The following NUDT3 variants were observed in gnomAD, a reference collection of about 807,000 sequenced individuals.
NUDT3 encodes diphosphoinositol polyphosphate phosphohydrolase 1.
In NUDT3, 9 loss-of-function variants were observed where a neutral mutation model predicts 23.6. That is an observed-to-expected ratio of 0.38 (90% confidence interval 0.23 to 0.66). The LOEUF (loss-of-function observed/expected upper bound fraction) is 0.66. Ranked by LOEUF, NUDT3 falls within the 30% of genes least tolerant of loss-of-function variation. The pLI is 0.52. For missense variants in NUDT3, 172 were observed against 218.5 expected, an observed-to-expected ratio of 0.79 and a Z score of 1.34; for synonymous variants, 86 against 82.6, an observed-to-expected ratio of 1.04 and a Z score of -0.22.
At position 34,381,389 on chromosome 6, in the gene NUDT3, G is replaced by C. The variant is rs1765015265; in HGVS notation, c.99+10875C>G. On this transcript the variant is annotated intron_variant, in intron 1 of 4. Transcript: ENST00000607016. ...ACATTTTAAAACTCTTCAGTTTGAA[G>C]TATTCTTTATAGATACCACAATACA... Among the ~76,000 whole-genome samples the C allele has an allele frequency of 2.0e-5, 3 of 151,848 alleles. No individual in the cohort carries two copies. The South Asian group carries it at 6.2e-4, about 31-fold the overall frequency.
intron 2 of NUDT3, among the ~76,000 whole-genome samples, chr6:34,313,700 C>T (rs1410902902): frequency 6.6e-6 from 1 of 152,082 alleles, no homozygotes; most frequent in African/African-American, 2.4e-5. Context: ...CAGTGGCTCA[C>T]GCCTGTAATT....
intron 2 of NUDT3, among the ~76,000 whole-genome samples, chr6:34,324,745 G>C (rs1763997060): frequency 6.6e-6 from 1 of 152,154 alleles, no homozygotes; most frequent in Non-Finnish European, 1.5e-5. Context: ...CAGAATGACA[G>C]AGCCACTAAA....
At chr6:34,375,375 G>T (rs1764905612) in intron 1 of NUDT3, among the ~76,000 whole-genome samples, 1 of 152,018 alleles carries the variant, frequency 6.6e-6, no homozygotes, top group Admixed American at 6.6e-5. Flanking sequence ...AAATAAAAAA[G>T]TTACCAGAGT....
intron 1 of NUDT3, among the ~76,000 whole-genome samples, chr6:34,366,702 G>A (rs1012225993): frequency 2.0e-5 from 3 of 151,098 alleles, no homozygotes; most frequent in Admixed American, 1.3e-4. Context: ...GGACTGCAAC[G>A]TGTGCCACCA....
chr6:34,370,502 C>G (rs1464724418), intron 1 of NUDT3, among the ~76,000 whole-genome samples: 1 of 152,192 alleles, frequency 6.6e-6, no homozygotes, highest in South Asian at 2.1e-4. Context: ...CCTAATTGCA[C>G]AGAAAACTGG....
chr6:34,292,137 A>T (rs1306006402), intron 4 of NUDT3, among the ~76,000 whole-genome samples: 1 of 152,142 alleles, frequency 6.6e-6, no homozygotes, highest in Non-Finnish European at 1.5e-5. Context: ...CCACACATCC[A>T]CCGCAGTCTC....
Position 34,320,188 on chromosome 6 carries a change from G to A in NUDT3, c.210+21674C>T, listed in dbSNP as rs372058720. On this transcript the variant is annotated intron_variant, in intron 2 of 4. Transcript: ENST00000607016. ...GAAATATATCAAAATGTTACTAGTG[G>A]CGAGTATGAAAATTTTAAATTTTGT... Among the ~76,000 whole-genome samples the A allele has an allele frequency of 3.6e-4, 55 of 152,230 alleles. No individual in the cohort carries two copies. The South Asian group carries it at 0.011, about 30-fold the overall frequency.
At chr6:34,293,943 C>A (rs559883750) in intron 3 of NUDT3, among the ~76,000 whole-genome samples, 30 of 152,012 alleles carry the variant, frequency 2.0e-4, no homozygotes, top group African/African-American at 6.5e-4. Flanking sequence ...ACACACACAC[C>A]CACCCACACC....
intron 1 of NUDT3, among the ~76,000 whole-genome samples, chr6:34,351,198 T>TTAAAAAAAAA (rs1764462307): frequency 1.1e-4 from 2 of 17,896 alleles, no homozygotes; most frequent in Non-Finnish European, 2.3e-4. Context: ...CTCCCCTGCC[T>TTAAAAAAAAA]AAAAAAAAAA....
At chr6:34,312,603 G>A (rs1763791224) in intron 2 of NUDT3, among the ~76,000 whole-genome samples, 1 of 152,122 alleles carries the variant, frequency 6.6e-6, no homozygotes, top group Non-Finnish European at 1.5e-5. Context: ...AAATTAGGAG[G>A]TGAAAGCTTA....
At chr6:34,314,770 G>A (rs1763833521) in intron 2 of NUDT3, among the ~76,000 whole-genome samples, 2 of 152,102 alleles carry the variant, frequency 1.3e-5, no homozygotes, top group South Asian at 4.2e-4. Context: ...TGTGTGATTC[G>A]GGGCAAATTA....
At position 34,286,471 on chromosome 6, in the gene NUDT3, G is replaced by A. The variant is rs1763335630; in HGVS notation, c.*2282C>T. 1 of 152,162 alleles carries A rather than the reference G, an allele frequency of 6.6e-6. No individual in the cohort carries two copies. Among genetic ancestry groups the A allele is most frequent in the South Asian group, 2.1e-4 (1 of 4,836 alleles). The allele number at this position is 152,162 out of a possible 1,614,324, so 9.4% of individuals were successfully genotyped here. A position where few individuals can be genotyped will look rare whatever the true frequency, so the allele number is the denominator to read the frequency against. ...AGGTAGAATTTATCTGGAAGAATGT[G>A]TTTTTTGAATTCCACCTGGCACTTG... On this transcript the variant is annotated 3_prime_UTR_variant, in exon 5 of 5. Coordinates refer to ENST00000607016, the MANE Select transcript of NUDT3 (RefSeq NM_006703.4).
chr6:34,375,249 C>T (rs1764902807), intron 1 of NUDT3, among the ~76,000 whole-genome samples: 1 of 152,046 alleles, frequency 6.6e-6, no homozygotes, highest in South Asian at 2.1e-4. Flanking sequence ...GAGGCTGAGG[C>T]AGGGGAATTG....
At position 34,283,939 on chromosome 6, in the gene NUDT3, G is replaced by A. The variant is rs970526786; in HGVS notation, c.*4814C>T. On this transcript the variant is annotated 3_prime_UTR_variant, in exon 5 of 5. Coordinates refer to ENST00000607016, the MANE Select transcript of NUDT3 (RefSeq NM_006703.4). Reference sequence around the variant, plus strand: ...GTGAAGTCTCCGCTGCAAAACTCACGAAACAGCACAGAGGATGACTCTAGG... The same window carrying A: ...GTGAAGTCTCCGCTGCAAAACTCACAAAACAGCACAGAGGATGACTCTAGG... 2.6e-5 allele frequency: 4 copies of A among 152,188 alleles called. No individual in the cohort carries two copies. Among genetic ancestry groups the A allele is most frequent in the African/African-American group, 7.2e-5 (3 of 41,442 alleles). 9.4% of individuals were successfully genotyped at this position (152,188 alleles called of 1,614,324 possible).
At chr6:34,350,843 C>T (rs1371296265) in intron 1 of NUDT3, among the ~76,000 whole-genome samples, 1 of 150,490 alleles carries the variant, frequency 6.6e-6, no homozygotes, top group African/African-American at 2.5e-5. Context: ...AGAGGAAATT[C>T]CCTGCCTAGT....
intron 1 of NUDT3, among the ~76,000 whole-genome samples, chr6:34,359,621 A>G (rs1226908435): frequency 6.6e-6 from 1 of 152,220 alleles, no homozygotes. Context: ...TTATAGCTGA[A>G]TAACATTCCA....
At chr6:34,314,552 C>G (rs1349138164) in intron 2 of NUDT3, among the ~76,000 whole-genome samples, 27 of 144,786 alleles carry the variant, frequency 1.9e-4, no homozygotes. Flanking sequence ...GAGTGAGACT[C>G]TGTCTCAAAA....
intron 1 of NUDT3, among the ~76,000 whole-genome samples, chr6:34,390,476 GA>G (rs1765180008): frequency 6.6e-6 from 1 of 151,904 alleles, no homozygotes; most frequent in African/African-American, 2.4e-5. Context: ...GTTTGCTTAT[GA>G]TCTATAGTTT....
At chr6:34,363,367 CAA>C (rs1477790478) in intron 1 of NUDT3, among the ~76,000 whole-genome samples, 2 of 152,082 alleles carry the variant, frequency 1.3e-5, no homozygotes, top group Non-Finnish European at 2.9e-5. Context: ...GGCAACTATG[CAA>C]AAGAGATTAG....
Sources: allele counts gnomAD v4.1 joint callset (sites outside exome capture counted in the v4.1 genomes callset), GRCh38; gene constraint gnomAD v4.1.1; transcripts MANE v1.5; gene names NCBI Gene and HGNC (gene_info 2026-07-23, HGNC 2026-07-21).